Variants in DCHS2 observed in about 807,000 individuals in gnomAD.
DCHS2 encodes the protein protocadherin-23.
A neutral mutation model predicts 182.4 loss-of-function variants in DCHS2; 142 were observed. That is an observed-to-expected ratio of 0.78 (90% CI 0.68 to 0.89). DCHS2 has a LOEUF of 0.89. Ranked by LOEUF, DCHS2 falls within the 40% of genes least tolerant of loss-of-function variation. The probability of loss-of-function intolerance (pLI) is 0.00; values close to 1 mark genes in which losing one functional copy is unlikely to be tolerated. For missense variants in DCHS2, 4,319 were observed against 4,198.6 expected, an observed-to-expected ratio of 1.03 and a Z score of -0.79; for synonymous variants, 1,740 against 1,663.3, an observed-to-expected ratio of 1.05 and a Z score of -1.12.
rs1561039641 is a variant in DCHS2, at chr4:154,321,008, G to A, written c.4391C>T (p.Ser1464Phe). ...IDSSTGDLFL[S>F]KELDYETTSH... ...TGTCGTCTCATAATCAAGTTCCTTA[G>A]AAAGAAACAAGTCTCCGGTTGAGCT... The change falls in exon 9 of 20, where the codon TCT (serine) becomes TTT (phenylalanine). Residue 1464 changes from serine to phenylalanine, a missense_variant. Physicochemically the swap from Ser to Phe is radical, Grantham distance 155. Transcript: ENST00000357232. 3.1e-6 allele frequency: 5 copies of A among 1,613,948 alleles called. No individual in the cohort carries two copies. Among genetic ancestry groups the A allele is most frequent in the East Asian group, 2.2e-5 (1 of 44,880 alleles).
intron 16 of DCHS2, among the ~76,000 whole-genome samples, chr4:154,253,952 G>A (rs191076358): frequency 6.6e-6 from 1 of 152,184 alleles, no homozygotes; most frequent in African/African-American, 2.4e-5. Context: ...CCTTAAACAG[G>A]ATGTCTGCTC....
intron 1 of DCHS2, among the ~76,000 whole-genome samples, chr4:154,386,276 C>A (rs1731413028): frequency 1.3e-5 from 2 of 152,212 alleles, no homozygotes; most frequent in South Asian, 4.1e-4. Flanking sequence ...CCGACTCTTT[C>A]ACTCCCCTCT....
intron 13 of DCHS2, among the ~76,000 whole-genome samples, chr4:154,294,640 A>G (rs1734841725): frequency 6.6e-6 from 1 of 152,230 alleles, no homozygotes; most frequent in Non-Finnish European, 1.5e-5. Flanking sequence ...TTAACCCTTT[A>G]CATTTATAAA....
intron 1 of DCHS2, among the ~76,000 whole-genome samples, chr4:154,379,907 C>G (rs12651106): frequency 6.6e-6 from 1 of 151,976 alleles, no homozygotes; most frequent in South Asian, 2.1e-4. Context: ...CAACTAGGGA[C>G]AAGTTTGCCC....
In DCHS2 at chr4:154,384,568, C is replaced by T. The variant is rs1046614282; in HGVS notation, c.2053-7124G>A. 8.6e-6 allele frequency: 13 copies of T among 1,507,880 alleles called. No individual in the cohort carries two copies. The African/African-American group carries it at 1.4e-4, about 16-fold the overall frequency. The allele number at this position is 1,507,880 out of a possible 1,614,324, so 93.4% of individuals were successfully genotyped here. On this transcript the variant is annotated intron_variant, in intron 1 of 19. Transcript: ENST00000357232. ...CTCTTATTTGATAAAGTAGTGAGTACTACCTTATATGGCAACAGACATGAT... is the reference window on the plus strand; with the variant it reads ...CTCTTATTTGATAAAGTAGTGAGTATTACCTTATATGGCAACAGACATGAT...
chr4:154,286,822 CAAACTT>C (rs1370751333), intron 13 of DCHS2, among the ~76,000 whole-genome samples: 2 of 152,008 alleles, frequency 1.3e-5, no homozygotes, highest in African/African-American at 4.8e-5. Context: ...GAGAACTCCT[CAAACTT>C]AGAGAAAGAT....
intron 2 of DCHS2, among the ~76,000 whole-genome samples, chr4:154,372,182 A>C (rs1296574636): frequency 6.6e-6 from 1 of 152,158 alleles, no homozygotes; most frequent in Non-Finnish European, 1.5e-5. Context: ...TTTAGTTAGA[A>C]AACACGGGAC....
chr4:154,285,919 C>G (rs943377464), intron 13 of DCHS2, among the ~76,000 whole-genome samples: 21 of 152,092 alleles, frequency 1.4e-4, no homozygotes, highest in Non-Finnish European at 2.4e-4. Context: ...TTCAAGGGGA[C>G]CCAGTGCTGT....
rs760886219 is a variant in DCHS2, at chr4:154,491,277, C to G, written c.79G>C (p.Gly27Arg). 3 of 1,550,050 alleles carry G rather than the reference C, an allele frequency of 1.9e-6. No individual in the cohort carries two copies. The highest frequency in any genetic ancestry group is 1.4e-5 in the African/African-American group (1 of 73,152). ...APVGKLLLLP[G>R]RRDTPHGRSG... ...CGCCCATGGGGTGTATCTCTCCTCCCGGGGAGCAGAAGGAGCTTCCCGACC... is the reference window on the plus strand; with the variant it reads ...CGCCCATGGGGTGTATCTCTCCTCCGGGGGAGCAGAAGGAGCTTCCCGACC... Residue 27 changes from glycine to arginine, a missense_variant, in exon 1 of 20, where the codon GGG becomes CGG. Transcript: ENST00000357232.
intron 13 of DCHS2, among the ~76,000 whole-genome samples, chr4:154,271,439 G>A (rs1367328764): frequency 6.6e-6 from 1 of 152,154 alleles, no homozygotes; most frequent in African/African-American, 2.4e-5. Context: ...AAAATAAGTG[G>A]ATGAGCAGAT....
chr4:154,477,798 AT>A (rs1287198997), intron 1 of DCHS2, among the ~76,000 whole-genome samples: 1 of 152,200 alleles, frequency 6.6e-6, no homozygotes, highest in Non-Finnish European at 1.5e-5. Context: ...AGTCTTTATG[AT>A]TGTTAACAAT....
At chr4:154,291,335 G>A (rs145509081) in intron 13 of DCHS2, among the ~76,000 whole-genome samples, 32 of 152,202 alleles carry the variant, frequency 2.1e-4, no homozygotes, top group Non-Finnish European at 4.0e-4. Flanking sequence ...CTTATACGCT[G>A]TTGGTGGGAA....
At position 154,234,256 on chromosome 4, in the gene DCHS2, G is replaced by A. The variant is rs2111074360; in HGVS notation, c.*280C>T. On this transcript the variant is annotated 3_prime_UTR_variant, in exon 20 of 20. Transcript: ENST00000357232. ...GTTAAGTTCACTGTGTCCTTTGGAA[G>A]TCTAATCATACAGACAACAGGTCTG... 3.4e-6 allele frequency: 1 copy of A among 292,856 alleles called. No homozygotes were observed. Among genetic ancestry groups the A allele is most frequent in the East Asian group, 6.5e-5 (1 of 15,456 alleles). The allele number at this position is 292,856 out of a possible 1,614,324, so 18.1% of individuals were successfully genotyped here.
chr4:154,275,243 A>G (rs1733790237), intron 13 of DCHS2, among the ~76,000 whole-genome samples: 1 of 152,150 alleles, frequency 6.6e-6, no homozygotes, highest in Non-Finnish European at 1.5e-5. Context: ...AGTCAAAAAA[A>G]AGGGATAAAA....
At chr4:154,342,314 G>T (rs1729146740) in intron 3 of DCHS2, among the ~76,000 whole-genome samples, 1 of 152,190 alleles carries the variant, frequency 6.6e-6, no homozygotes, top group Admixed American at 6.5e-5. Context: ...TAACTGGTCA[G>T]TGTGGTGGTT....
chr4:154,379,720 A>G (rs1241004504), intron 1 of DCHS2, among the ~76,000 whole-genome samples: 2 of 152,214 alleles, frequency 1.3e-5, no homozygotes, highest in Non-Finnish European at 2.9e-5. Flanking sequence ...TTTCATCAAT[A>G]TAATATACAT....
intron 1 of DCHS2, among the ~76,000 whole-genome samples, chr4:154,410,160 G>C (rs998781708): frequency 5.3e-5 from 8 of 151,798 alleles, no homozygotes; most frequent in African/African-American, 1.5e-4. Context: ...TCTAGTAACT[G>C]ACCCCAAAGA....
intron 1 of DCHS2, among the ~76,000 whole-genome samples, chr4:154,444,559 C>A (rs1456729833): frequency 6.6e-6 from 1 of 152,202 alleles, no homozygotes; most frequent in Non-Finnish European, 1.5e-5. Flanking sequence ...GCTGAGCCAG[C>A]ACCACCTTGC....
At chr4:154,358,999 G>A (rs1729996799) in intron 3 of DCHS2, among the ~76,000 whole-genome samples, 1 of 151,398 alleles carries the variant, frequency 6.6e-6, no homozygotes, top group Non-Finnish European at 1.5e-5. Flanking sequence ...AACTCTCTTT[G>A]CCTATATATT....
Sources: gnomAD v4.1 joint callset for allele counts (sites outside exome capture counted in the v4.1 genomes callset) on GRCh38, gnomAD v4.1.1 for gene constraint, MANE v1.5 for transcripts, NCBI Gene and HGNC (gene_info 2026-07-23, HGNC 2026-07-21) for gene names.